CD163L1: variants seen among roughly 807,000 people sequenced by gnomAD.
CD163L1 encodes CD163 molecule like 1, also known as scavenger receptor cysteine-rich type 1 protein M160.
In CD163L1, 124 loss-of-function variants were observed where a neutral mutation model predicts 165.4. The observed-to-expected ratio is 0.75, with a 90% CI of 0.65 to 0.87. The LOEUF is 0.87. CD163L1 is among the 40% of genes least tolerant of loss of function. CD163L1 has a pLI of 0.00. For missense variants in CD163L1, 1,525 were observed against 1,799.9 expected (o/e 0.85, Z 2.76); for synonymous variants, 585 against 662.2 (o/e 0.88, Z 1.79).
chr12:7,440,049 C>G (rs1948799887), intron 2 of CD163L1: 2 of 1,213,162 alleles, frequency 1.6e-6, no homozygotes, highest in African/African-American at 1.5e-5. Flanking sequence ...AGCAGCTCCT[C>G]GCGTTCCGCG....
chr12:7,333,318 A>T, the CD163L1 span, among the ~76,000 whole-genome samples: 1 of 152,206 alleles, frequency 6.6e-6, no homozygotes, highest in Non-Finnish European at 1.5e-5. Context: ...ATCAAACTAG[A>T]ACTCAGGATT....
chr12:7,328,445 C>A, the CD163L1 span: 4 of 1,158,960 alleles, frequency 3.5e-6, no homozygotes, highest in Non-Finnish European at 4.7e-6. Flanking sequence ...GATAATTCAG[C>A]GACTACTCTC....
At chr12:7,391,812 C>T (rs1591916186) in intron 8 of CD163L1, among the ~76,000 whole-genome samples, 1 of 152,032 alleles carries the variant, frequency 6.6e-6, no homozygotes, top group East Asian at 1.9e-4. Flanking sequence ...CAACGAAGAT[C>T]AAAAGAGACA....
At chr12:7,363,948 A>G (rs1946959994) in intron 18 of CD163L1, among the ~76,000 whole-genome samples, 1 of 152,160 alleles carries the variant, frequency 6.6e-6, no homozygotes, top group African/African-American at 2.4e-5. Context: ...TAGGGCCAGC[A>G]TTACCCTGAT....
At position 7,347,902 on chromosome 12, in the gene CD163L1, C is replaced by G. The variant is rs1946681149; in HGVS notation, c.*25-755G>C. ...AAAATTAAAAACTGGTTGCATTGAA[C>G]TATTATTGAGTTTCCACATGAGCTT... On this transcript the variant is annotated intron_variant, in intron 4 of 4. Transcript: ENST00000539726. This position sits in a 1 kb window ranked among gnomAD's most constrained non-coding sequence, Gnocchi z 4.2. 1.3e-5 allele frequency among the ~76,000 whole-genome samples: 2 copies of G among 152,126 alleles called. No individual in the cohort carries two copies. Among genetic ancestry groups the G allele is most frequent in the Non-Finnish European group, 2.9e-5 (2 of 68,020 alleles).
At chr12:7,418,835 T>C (rs903253966) in intron 4 of CD163L1, among the ~76,000 whole-genome samples, 2 of 151,980 alleles carry the variant, frequency 1.3e-5, no homozygotes, top group African/African-American at 4.8e-5. Flanking sequence ...CAGGAAGAAA[T>C]AGAAACTCTG....
At chr12:7,440,549 A>T (rs1052058163) in intron 2 of CD163L1, among the ~76,000 whole-genome samples, 1 of 150,368 alleles carries the variant, frequency 6.7e-6, no homozygotes, top group Non-Finnish European at 1.5e-5. Context: ...TTATTAACCG[A>T]TTTTTCTATT....
intron 18 of CD163L1, among the ~76,000 whole-genome samples, chr12:7,364,188 C>T (rs1365327778): frequency 1.3e-5 from 2 of 152,010 alleles, no homozygotes; most frequent in African/African-American, 2.4e-5. Context: ...AGAACAAAAC[C>T]CATATGATCA....
chr12:7,431,502 A>G (rs1206603188), intron 4 of CD163L1, among the ~76,000 whole-genome samples: 2 of 151,946 alleles, frequency 1.3e-5, no homozygotes, highest in East Asian at 3.9e-4. Context: ...GATGTAATGA[A>G]TATAGTGTGC....
Position 7,369,669 on chromosome 12 carries a change from C to G in CD163L1, c.3731-4G>C. The G allele has an allele frequency of 6.2e-7, 1 of 1,606,418 alleles. No homozygotes were observed. The highest frequency in any genetic ancestry group is 2.2e-5 in the East Asian group (1 of 44,670). On this transcript the variant is annotated splice_polypyrimidine_tract_variant and splice_region_variant and intron_variant, in intron 14 of 19. Transcript: ENST00000313599. The surrounding 1 kb of genome is among the most constrained non-coding windows in gnomAD (Gnocchi z 4.9). ...CCTCCACGCACTCTTATTCTATCTA[C>G]AAAGGCACAAAACATGGCTGTCTTT...
At chr12:7,343,406 A>T (rs1423595878), downstream of CD163L1, among the ~76,000 whole-genome samples, 1 of 152,214 alleles carries the variant, frequency 6.6e-6, no homozygotes, top group Non-Finnish European at 1.5e-5. Context: ...GAGGTTGGGT[A>T]ATTTATAAAG....
rs1029706559 is a variant in CD163L1, at chr12:7,426,421, A to G, written c.766+5995T>C. Reference sequence around the variant, plus strand: ...ATGTATATCTATGTAACAAATCTGCATGTTCAGCACATATATCCCAGAACT... The same window carrying G: ...ATGTATATCTATGTAACAAATCTGCGTGTTCAGCACATATATCCCAGAACT... On this transcript the variant is annotated intron_variant, in intron 4 of 19. Transcript: ENST00000313599. Among the ~76,000 whole-genome samples the G allele has an allele frequency of 4.6e-5, 7 of 152,118 alleles. No individual in the cohort carries two copies. The East Asian group carries it at 1.3e-3, about 29-fold the overall frequency.
rs1355839009 is a variant in CD163L1, at chr12:7,369,712, TG to T, written c.3731-48del. On this transcript the variant is annotated intron_variant, in intron 14 of 19. Coordinates refer to ENST00000313599, the MANE Select transcript of CD163L1 (RefSeq NM_174941.6). This position sits in a 1 kb window ranked among gnomAD's most constrained non-coding sequence, Gnocchi z 4.9. ...CTGTCTTTACTCCTGAAGGAGGTTG[TG>T]GGAGAATGCTGAGGTAGAAAAACTT... 28 of 1,554,466 alleles carry T rather than the reference TG, an allele frequency of 1.8e-5. No homozygotes were observed. The highest frequency in any genetic ancestry group is 2.3e-5 in the Non-Finnish European group (26 of 1,138,342).
intron 18 of CD163L1, among the ~76,000 whole-genome samples, chr12:7,362,363 TA>T (rs1463046255): frequency 7.3e-6 from 1 of 137,654 alleles, no homozygotes; most frequent in Non-Finnish European, 1.5e-5. Flanking sequence ...ATAAATATAT[TA>T]AATATATATT....
In CD163L1 at chr12:7,421,496, T is replaced by C. The variant is rs1459449946; in HGVS notation, c.766+10920A>G. 2.0e-3 allele frequency among the ~76,000 whole-genome samples: 178 copies of C among 89,410 alleles called. 9 individuals are homozygous for C. Among genetic ancestry groups the C allele is most frequent in the Middle Eastern group, 5.9e-3 (1 of 170 alleles). The allele number at this position is 89,410 out of a possible 152,430, so 58.7% of individuals were successfully genotyped here. On this transcript the variant is annotated intron_variant, in intron 4 of 19. Coordinates refer to ENST00000313599, the MANE Select transcript of CD163L1 (RefSeq NM_174941.6). ...ATACATATATGTACATATATACATATATGTACATATACATATACATATATG... is the reference window on the plus strand; with the variant it reads ...ATACATATATGTACATATATACATACATGTACATATACATATACATATATG...
intron 4 of CD163L1, among the ~76,000 whole-genome samples, chr12:7,421,272 T>C (rs1332110507): frequency 8.4e-6 from 1 of 118,954 alleles, no homozygotes; most frequent in Non-Finnish European, 1.6e-5. Flanking sequence ...ATCTTCCAAA[T>C]GTGTGTATAT....
the CD163L1 span, among the ~76,000 whole-genome samples, chr12:7,333,757 A>G: frequency 7.2e-5 from 11 of 152,218 alleles, no homozygotes; most frequent in Non-Finnish European, 1.3e-4. Flanking sequence ...ACTAATAAAG[A>G]AGAAAACAGA....
chr12:7,427,688 G>C (rs1271607022), intron 4 of CD163L1, among the ~76,000 whole-genome samples: 1 of 151,980 alleles, frequency 6.6e-6, no homozygotes, highest in East Asian at 1.9e-4. Flanking sequence ...AATGATAAAG[G>C]CAGGTCAGAT....
chr12:7,360,219 T>G (rs894724042), intron 18 of CD163L1, among the ~76,000 whole-genome samples: 3 of 152,096 alleles, frequency 2.0e-5, no homozygotes, highest in African/African-American at 7.2e-5. Flanking sequence ...TTCGGCTCAC[T>G]GCAGACTCTG....
Sources: gnomAD v4.1 joint callset for allele counts (sites outside exome capture counted in the v4.1 genomes callset) on GRCh38, gnomAD v4.1.1 for gene constraint, Gnocchi (gnomAD v3.1) non-coding constraint, MANE v1.5 for transcripts, NCBI Gene and HGNC (gene_info 2026-07-23, HGNC 2026-07-21) for gene names.